The following CDKAL1 variants were observed in gnomAD, a reference collection of about 807,000 sequenced individuals.
CDKAL1 encodes threonylcarbamoyladenosine tRNA methylthiotransferase.
Under a neutral mutation model 68.2 loss-of-function variants are expected in CDKAL1, and 32 were observed. The ratio of observed to expected loss-of-function variants is 0.47; its 90% CI spans 0.35 to 0.63. The LOEUF (loss-of-function observed/expected upper bound fraction) is 0.63, where lower values mean the gene tolerates loss of function less well. Ranked by LOEUF, CDKAL1 falls within the 30% of genes least tolerant of loss-of-function variation. CDKAL1 has a pLI of 0.00. For missense variants in CDKAL1, 606 were observed against 696.7 expected, an observed-to-expected ratio of 0.87 and a Z score of 1.47; for synonymous variants, 234 against 244.3, an observed-to-expected ratio of 0.96 and a Z score of 0.39.
chr6:20,576,591 T>G (rs1764916487), intron 4 of CDKAL1, among the ~76,000 whole-genome samples: 1 of 152,254 alleles, frequency 6.6e-6, no homozygotes, highest in Non-Finnish European at 1.5e-5. Flanking sequence ...GTAGCATTTT[T>G]ACTCCTGGGT....
At chr6:21,031,714 C>T (rs187351700) in intron 11 of CDKAL1, among the ~76,000 whole-genome samples, 1 of 152,154 alleles carries the variant, frequency 6.6e-6, no homozygotes, top group Admixed American at 6.5e-5. Flanking sequence ...GTAAGTCTGC[C>T]CCATGCTTTA....
At chr6:20,866,018 G>C (rs1351912046) in intron 9 of CDKAL1, among the ~76,000 whole-genome samples, 1 of 152,128 alleles carries the variant, frequency 6.6e-6, no homozygotes, top group Non-Finnish European at 1.5e-5. Context: ...TTAATTTTAG[G>C]CAATTGTATT....
chr6:21,195,477 T>TTTTATTTA (rs70993212), intron 13 of CDKAL1, among the ~76,000 whole-genome samples: 2,995 of 118,468 alleles, frequency 0.025, 47 homozygotes, highest in Middle Eastern at 0.037. Flanking sequence ...GAGATGTTTT[T>TTTTATTTA]TTTATTTATT....
At chr6:20,879,076 C>T (rs2150558062) in intron 9 of CDKAL1, among the ~76,000 whole-genome samples, 1 of 151,532 alleles carries the variant, frequency 6.6e-6, no homozygotes, top group Non-Finnish European at 1.5e-5. Context: ...AAGATTCTAT[C>T]TCATTAAAAA....
chr6:20,702,135 A>G lies in CDKAL1; in HGVS notation c.372-37384A>G, dbSNP rs116733891. Among the ~76,000 whole-genome samples, 742 of 152,276 alleles carry G rather than the reference A, an allele frequency of 4.9e-3. 9 individuals carry two copies. The highest frequency in any genetic ancestry group is 0.017 in the African/African-American group (694 of 41,550). ...CTCTTAGCACTCAGTGAAATGGGAA[A>G]GGTTCCCTTGTCCCCCTCGCAGGGC... On this transcript the variant is annotated intron_variant, in intron 5 of 15. Coordinates refer to ENST00000274695, the MANE Select transcript of CDKAL1 (RefSeq NM_017774.3).
intron 15 of CDKAL1, among the ~76,000 whole-genome samples, chr6:21,203,100 A>T (rs1302802245): frequency 6.6e-6 from 1 of 150,662 alleles, no homozygotes; most frequent in Non-Finnish European, 1.5e-5. Context: ...CCCAGGCTGG[A>T]GTGCAATGGT....
At chr6:20,994,925 A>G (rs1465035889) in intron 10 of CDKAL1, among the ~76,000 whole-genome samples, 1 of 152,172 alleles carries the variant, frequency 6.6e-6, no homozygotes, top group African/African-American at 2.4e-5. Context: ...GCTTCTCTCA[A>G]AATTGGAGTC....
At chr6:21,068,317 T>A (rs957220593) in intron 12 of CDKAL1, among the ~76,000 whole-genome samples, 4 of 152,214 alleles carry the variant, frequency 2.6e-5, no homozygotes, top group African/African-American at 9.7e-5. Context: ...CTCAATGTAC[T>A]GTTCTAGAAA....
intron 5 of CDKAL1, among the ~76,000 whole-genome samples, chr6:20,697,405 G>A (rs913977979): frequency 6.6e-6 from 1 of 152,140 alleles, no homozygotes; most frequent in African/African-American, 2.4e-5. Context: ...GAAAGATAAT[G>A]TGATAATAAT....
In CDKAL1 at chr6:20,542,013, A is replaced by G. The variant is rs571799285; in HGVS notation, c.-5-4333A>G. Reference sequence around the variant, plus strand: ...ACGTATGTTAACTATAATCCAGCCAATCCTTGATGGATTGATGTTTGGTTT... The same window carrying G: ...ACGTATGTTAACTATAATCCAGCCAGTCCTTGATGGATTGATGTTTGGTTT... On this transcript the variant is annotated intron_variant, in intron 2 of 15. Transcript: ENST00000274695. Among the ~76,000 whole-genome samples, 3 of 152,338 alleles carry G rather than the reference A, an allele frequency of 2.0e-5. No homozygotes were observed. In the South Asian group the frequency reaches 6.2e-4, roughly 32 times the overall value.
chr6:20,615,077 A>G (rs1313255454), intron 4 of CDKAL1, among the ~76,000 whole-genome samples: 2 of 127,018 alleles, frequency 1.6e-5, no homozygotes, highest in African/African-American at 6.0e-5. Context: ...ATAATTTCCA[A>G]TTTCATCCAT....
intron 9 of CDKAL1, among the ~76,000 whole-genome samples, chr6:20,876,867 G>C (rs1313559193): frequency 6.6e-6 from 1 of 152,148 alleles, no homozygotes; most frequent in African/African-American, 2.4e-5. Flanking sequence ...CGTACACACA[G>C]AGCTACCTAT....
rs1763126052 is a variant in CDKAL1, at chr6:20,535,347, C to T, written c.-49-4C>T. The T allele has an allele frequency of 6.6e-6, 1 of 152,214 alleles. No homozygotes were observed. Among genetic ancestry groups the T allele is most frequent in the South Asian group, 2.1e-4 (1 of 4,834 alleles). The allele number at this position is 152,214 out of a possible 1,614,324, so 9.4% of individuals were successfully genotyped here. ...ACTTTTCCTAATCAATTTTTATTTT[C>T]CAGACTCATCTTTCAAGAGGACTTT... On this transcript the variant is annotated splice_region_variant and splice_polypyrimidine_tract_variant and intron_variant, in intron 1 of 15. Transcript: ENST00000274695.
chr6:20,814,810 C>CCCTAGA (rs1776975074), intron 8 of CDKAL1, among the ~76,000 whole-genome samples: 3 of 152,194 alleles, frequency 2.0e-5, no homozygotes, highest in Admixed American at 6.5e-5. Flanking sequence ...GCCTTTCTAT[C>CCCTAGA]ATTCTCCAGA....
intron 4 of CDKAL1, among the ~76,000 whole-genome samples, chr6:20,647,882 G>T (rs1768550942): frequency 6.6e-6 from 1 of 151,734 alleles, no homozygotes; most frequent in African/African-American, 2.4e-5. Context: ...GATAAATAGT[G>T]TAAGTAGTTT....
At chr6:21,199,421 T>C (rs1778600166) in intron 14 of CDKAL1, among the ~76,000 whole-genome samples, 1 of 152,192 alleles carries the variant, frequency 6.6e-6, no homozygotes, top group Admixed American at 6.5e-5. Context: ...CCCCATCTCA[T>C]TAATATACCC....
At chr6:20,694,200 G>GCAAA (rs955813688) in intron 5 of CDKAL1, among the ~76,000 whole-genome samples, 6 of 149,920 alleles carry the variant, frequency 4.0e-5, no homozygotes, top group African/African-American at 1.3e-4. Context: ...AAACAAACAA[G>GCAAA]CAAACAAACA....
chr6:20,635,198 G>A (rs567720569), intron 4 of CDKAL1, among the ~76,000 whole-genome samples: 1 of 152,088 alleles, frequency 6.6e-6, no homozygotes, highest in East Asian at 1.9e-4. Context: ...TTTGTGAGTA[G>A]ATCTGGACAA....
chr6:20,958,338 C>T (rs907013958), intron 10 of CDKAL1, among the ~76,000 whole-genome samples: 3 of 152,204 alleles, frequency 2.0e-5, no homozygotes, highest in Non-Finnish European at 4.4e-5. Context: ...TCTCATCCTC[C>T]TCTGCATGGC....
Sources: allele counts gnomAD v4.1 joint callset (sites outside exome capture counted in the v4.1 genomes callset), GRCh38; gene constraint gnomAD v4.1.1; transcripts MANE v1.5; gene names NCBI Gene and HGNC (gene_info 2026-07-23, HGNC 2026-07-21).